Variants in GRID2 observed in about 807,000 individuals in gnomAD.
The protein encoded by GRID2 is glutamate ionotropic receptor delta type subunit 2, also known as glutamate receptor ionotropic, delta-2.
Under a neutral mutation model 114.8 loss-of-function variants are expected in GRID2, and 33 were observed. The ratio of observed to expected loss-of-function variants is 0.29; its 90% CI spans 0.22 to 0.38. The LOEUF is 0.38. Among genes scored for constraint, GRID2 ranks in the 10% least tolerant of loss-of-function variants. The pLI, the probability that GRID2 is intolerant of heterozygous loss-of-function variation, is 1.00. For missense variants in GRID2, 1,184 were observed against 1,257.7 expected (o/e 0.94, Z 0.89); for synonymous variants, 505 against 449.9 (o/e 1.12, Z -1.55).
At chr4:93,181,205 C>T (rs1355184126) in intron 4 of GRID2, among the ~76,000 whole-genome samples, 1 of 152,158 alleles carries the variant, frequency 6.6e-6, no homozygotes, top group East Asian at 1.9e-4. Flanking sequence ...TGTACATCTC[C>T]ATCAGAGCTC....
chr4:92,335,500 T>G lies in GRID2; in HGVS notation c.88+30756T>G, dbSNP rs184922191. On this transcript the variant is annotated intron_variant, in intron 1 of 15. Coordinates refer to ENST00000282020, the MANE Select transcript of GRID2 (RefSeq NM_001510.4). ...CTTTCAGTCTGACTTTGGGGAAAAG[T>G]TATGTTAGGAAGCTGCTGAATCTCA... 1.8e-3 allele frequency among the ~76,000 whole-genome samples: 278 copies of G among 152,298 alleles called. 1 individual carries two copies. The highest frequency in any genetic ancestry group is 6.3e-3 in the African/African-American group (261 of 41,562).
chr4:93,601,778 T>C (rs1560803948), intron 13 of GRID2, among the ~76,000 whole-genome samples: 1 of 152,090 alleles, frequency 6.6e-6, no homozygotes, highest in Non-Finnish European at 1.5e-5. Context: ...TCCACATTGA[T>C]GAGAAAAAAT....
chr4:92,943,388 G>T (rs1210907061), intron 2 of GRID2, among the ~76,000 whole-genome samples: 1 of 152,048 alleles, frequency 6.6e-6, no homozygotes, highest in Non-Finnish European at 1.5e-5. Flanking sequence ...TGAGGCTTGT[G>T]CATTCATCAC....
intron 2 of GRID2, among the ~76,000 whole-genome samples, chr4:92,895,121 G>A (rs1407343771): frequency 6.6e-6 from 1 of 151,860 alleles, no homozygotes; most frequent in African/African-American, 2.4e-5. Flanking sequence ...GACATTTTCT[G>A]TCTTTTCCAC....
intron 2 of GRID2, among the ~76,000 whole-genome samples, chr4:92,834,276 T>A (rs1218605278): frequency 6.6e-6 from 1 of 152,186 alleles, no homozygotes; most frequent in Non-Finnish European, 1.5e-5. Context: ...ATATTTTCTT[T>A]TGTTTTGTCT....
At chr4:92,593,925 A>G (rs991489179) in intron 2 of GRID2, among the ~76,000 whole-genome samples, 2 of 150,500 alleles carry the variant, frequency 1.3e-5, no homozygotes, top group East Asian at 3.9e-4. Flanking sequence ...GATAAATACA[A>G]AAAGAAAAAA....
intron 4 of GRID2, among the ~76,000 whole-genome samples, chr4:93,187,462 G>C (rs1386795217): frequency 6.6e-6 from 1 of 152,030 alleles, no homozygotes; most frequent in Non-Finnish European, 1.5e-5. Flanking sequence ...TTTTAGTAGA[G>C]ACAGGGTTTC....
intron 14 of GRID2, among the ~76,000 whole-genome samples, chr4:93,666,529 C>T (rs553261447): frequency 7.9e-5 from 12 of 152,142 alleles, no homozygotes; most frequent in Admixed American, 3.3e-4. Flanking sequence ...GGAACAGTGC[C>T]TTCCTGTGGA....
intron 14 of GRID2, among the ~76,000 whole-genome samples, chr4:93,712,028 A>G (rs569022346): frequency 6.6e-6 from 1 of 151,968 alleles, no homozygotes; most frequent in Non-Finnish European, 1.5e-5. Context: ...TGTTGTTTTA[A>G]TACATTAGGG....
rs137920320 is a variant in GRID2, at chr4:93,080,329, T to A, written c.245-4666T>A. On this transcript the variant is annotated intron_variant, in intron 2 of 15. Coordinates refer to ENST00000282020, the MANE Select transcript of GRID2 (RefSeq NM_001510.4). ...AGAAAGAATACACAAGTAGTGAAGT[T>A]CCACTGCCCAGTTATGGTCATTGTT... is the stretch of plus-strand genomic sequence containing the variant. Among the ~76,000 whole-genome samples, 304 of 152,316 alleles carry A rather than the reference T, an allele frequency of 2.0e-3. 2 individuals carry two copies. The highest frequency in any genetic ancestry group is 7.2e-3 in the African/African-American group (299 of 41,582).
At chr4:92,846,174 C>T (rs1199713548) in intron 2 of GRID2, among the ~76,000 whole-genome samples, 1 of 151,986 alleles carries the variant, frequency 6.6e-6, no homozygotes, top group Non-Finnish European at 1.5e-5. Flanking sequence ...ATAATTTCAC[C>T]TTTTATTTTA....
intron 10 of GRID2, among the ~76,000 whole-genome samples, chr4:93,446,244 G>A (rs1423857727): frequency 2.0e-5 from 3 of 152,002 alleles, no homozygotes; most frequent in African/African-American, 7.2e-5. Flanking sequence ...CAGCAAGATA[G>A]ATGGCAAGCC....
chr4:93,083,731 G>T (rs1380057908), intron 2 of GRID2, among the ~76,000 whole-genome samples: 2 of 150,016 alleles, frequency 1.3e-5, no homozygotes, highest in African/African-American at 4.9e-5. Context: ...CATCCTTGAT[G>T]CTTTCACATT....
chr4:93,384,960 G>A (rs1764182635), intron 8 of GRID2, among the ~76,000 whole-genome samples: 1 of 152,142 alleles, frequency 6.6e-6, no homozygotes, highest in Admixed American at 6.5e-5. Flanking sequence ...AAGTATGCTA[G>A]CATTTTCAAC....
intron 2 of GRID2, among the ~76,000 whole-genome samples, chr4:92,599,456 G>T (rs1333053127): frequency 6.6e-6 from 1 of 152,040 alleles, no homozygotes; most frequent in Non-Finnish European, 1.5e-5. Flanking sequence ...TGTTTAAAAG[G>T]TTATCTTTCC....
chr4:92,961,094 C>G (rs1000310607), intron 2 of GRID2, among the ~76,000 whole-genome samples: 12 of 151,650 alleles, frequency 7.9e-5, no homozygotes, highest in African/African-American at 2.7e-4. Context: ...AATAATTACC[C>G]CCTCCATTCT....
At chr4:93,352,307 T>G (rs1192511649) in intron 8 of GRID2, among the ~76,000 whole-genome samples, 1 of 151,982 alleles carries the variant, frequency 6.6e-6, no homozygotes, top group Non-Finnish European at 1.5e-5. Context: ...TCTAAAATAG[T>G]ATTATCTATT....
intron 2 of GRID2, among the ~76,000 whole-genome samples, chr4:92,913,844 G>A (rs1463684195): frequency 2.0e-5 from 3 of 151,928 alleles, no homozygotes; most frequent in Non-Finnish European, 2.9e-5. Context: ...TCTATAAAAG[G>A]AAATTCCTCT....
intron 14 of GRID2, among the ~76,000 whole-genome samples, chr4:93,718,452 T>G (rs749080472): frequency 1.2e-4 from 18 of 152,276 alleles, no homozygotes; most frequent in Non-Finnish European, 2.2e-4. Flanking sequence ...TCAGAAATCT[T>G]AAGTTGATGC....
Sources: gnomAD v4.1 joint callset for allele counts (sites outside exome capture counted in the v4.1 genomes callset) on GRCh38, gnomAD v4.1.1 for gene constraint, MANE v1.5 for transcripts, NCBI Gene and HGNC (gene_info 2026-07-23, HGNC 2026-07-21) for gene names.